The following IFT122 variants were observed in gnomAD, a reference collection of about 807,000 sequenced individuals.
IFT122 encodes intraflagellar transport protein 122 homolog.
In IFT122, 118 loss-of-function variants were observed where a neutral mutation model predicts 161.6. That is an observed-to-expected ratio of 0.73 (90% CI 0.63 to 0.85). The LOEUF (loss-of-function observed/expected upper bound fraction) is 0.85. Ranked by LOEUF, IFT122 falls within the 40% of genes least tolerant of loss-of-function variation. The probability of loss-of-function intolerance (pLI) is 0.00; values close to 1 mark genes in which losing one functional copy is unlikely to be tolerated. For missense variants in IFT122, 1,381 were observed against 1,579.6 expected (o/e 0.87, Z 2.13); for synonymous variants, 550 against 602.4 (o/e 0.91, Z 1.27).
intron 1 of IFT122, among the ~76,000 whole-genome samples, chr3:129,442,661 C>A (rs143670183): frequency 6.6e-6 from 1 of 151,982 alleles, no homozygotes. Flanking sequence ...CATTGTCTCC[C>A]GGTCTGCTCC....
intron 21 of IFT122, among the ~76,000 whole-genome samples, chr3:129,504,966 C>G (rs182163706): frequency 6.6e-6 from 1 of 152,204 alleles, no homozygotes; most frequent in Non-Finnish European, 1.5e-5. Context: ...CGGGTGACTT[C>G]TGCTCCTCAA....
At chr3:129,443,236 A>C (rs979164754) in intron 1 of IFT122, among the ~76,000 whole-genome samples, 1 of 152,256 alleles carries the variant, frequency 6.6e-6, no homozygotes, top group South Asian at 2.1e-4. Context: ...GGGCTGGGTC[A>C]GATGATGCAG....
At chr3:129,457,505 T>C (rs193089802) in intron 3 of IFT122, among the ~76,000 whole-genome samples, 1 of 152,284 alleles carries the variant, frequency 6.6e-6, no homozygotes, top group East Asian at 1.9e-4. Context: ...TCCATGTGGA[T>C]GGGTCTGTCT....
At position 129,520,338 on chromosome 3, in the gene IFT122, T is replaced by C. The variant is rs2084604362; in HGVS notation, c.*73T>C. 3 of 1,167,904 alleles carry C rather than the reference T, an allele frequency of 2.6e-6. No homozygotes were observed. Among genetic ancestry groups the C allele is most frequent in the Non-Finnish European group, 3.7e-6 (3 of 804,738 alleles). The allele number at this position is 1,167,904 out of a possible 1,614,324, so 72.3% of individuals were successfully genotyped here. ...CTGGGCTGTGAAGGAGAATAAAGAG[T>C]TAAACTGTCAGAATGTGTTTCTTGC... On this transcript the variant is annotated 3_prime_UTR_variant, in exon 30 of 30. Transcript: ENST00000348417.
intron 20 of IFT122, chr3:129,504,004 GT>G (rs1394224644): frequency 5.3e-6 from 2 of 380,590 alleles, no homozygotes; most frequent in African/African-American, 4.2e-5. Flanking sequence ...AAAGAAATCT[GT>G]TTGCAGCACT....
At position 129,504,428 on chromosome 3, in the gene IFT122, A is replaced by G; in HGVS notation, c.2650+7A>G. The G allele has an allele frequency of 6.2e-7, 1 of 1,607,702 alleles. No homozygotes were observed. The highest frequency in any genetic ancestry group is 8.5e-7 in the Non-Finnish European group (1 of 1,174,168). Reference sequence around the variant, plus strand: ...TTTGAGGAAGCCCAGAAAGGTAGGCAACACAGACTGTCACCTTCTAGAAGG... The same window carrying G: ...TTTGAGGAAGCCCAGAAAGGTAGGCGACACAGACTGTCACCTTCTAGAAGG... On this transcript the variant is annotated splice_region_variant and intron_variant, in intron 21 of 29. Coordinates refer to ENST00000348417, the MANE Select transcript of IFT122 (RefSeq NM_052989.3).
rs140152791 is a variant in IFT122 at position 129,518,433 on chromosome 3, T to G, written c.3392-674T>G. Among the ~76,000 whole-genome samples the G allele has an allele frequency of 2.8e-4, 43 of 152,282 alleles. No homozygotes were observed. In the East Asian group the frequency reaches 6.6e-3, roughly 23 times the overall value. ...AGGCCTGGGGGCTGTAAGCCTGCCTTCCTTGCAGCTCCCAGGTGCTGCCAC... is the reference window on the plus strand; with the variant it reads ...AGGCCTGGGGGCTGTAAGCCTGCCTGCCTTGCAGCTCCCAGGTGCTGCCAC... On this transcript the variant is annotated intron_variant, in intron 27 of 29. Coordinates refer to ENST00000348417, the MANE Select transcript of IFT122 (RefSeq NM_052989.3).
intron 7 of IFT122, among the ~76,000 whole-genome samples, chr3:129,466,312 G>A (rs2076768753): frequency 1.3e-5 from 2 of 151,908 alleles, no homozygotes; most frequent in Non-Finnish European, 2.9e-5. Context: ...TACCATGCAT[G>A]TCTAATGCTG....
At chr3:129,519,064 T>G in intron 27 of IFT122, 43 bp from the exon 28 acceptor site, 4 of 1,550,214 alleles carry the variant, frequency 2.6e-6, no homozygotes, top group Non-Finnish European at 3.6e-6. Context: ...AGGGTCTGTC[T>G]CCATCTCTGC....
chr3:129,476,946 T>A, intron 11 of IFT122, 145 bp downstream of exon 11: 22 of 178,208 alleles, frequency 1.2e-4, no homozygotes, highest in Non-Finnish European at 2.3e-4. Flanking sequence ...TCTTGTTTTC[T>A]TTTTTTTTTT....
At chr3:129,516,793 G>GCA (rs1308356261) in intron 26 of IFT122, among the ~76,000 whole-genome samples, 1 of 69,926 alleles carries the variant, frequency 1.4e-5, no homozygotes, top group South Asian at 5.2e-4. Context: ...GACCGCTCCT[G>GCA]CACACACACA....
At chr3:129,441,985 C>T (rs566421503) in intron 1 of IFT122, among the ~76,000 whole-genome samples, 56 of 152,304 alleles carry the variant, frequency 3.7e-4, no homozygotes, top group Non-Finnish European at 7.6e-4. Context: ...TGCCAATTAC[C>T]ACCATGCAGG....
At chr3:129,487,407 G>A (rs892045320) in intron 15 of IFT122, 1 of 152,320 alleles carries the variant, frequency 6.6e-6, no homozygotes, top group African/African-American at 2.4e-5. Flanking sequence ...CTGAGTCTCG[G>A]TCTCCTGGGC....
rs754283229 is a variant in IFT122, at chr3:129,512,356, C to G, written c.2931C>G (p.Ile977Met). The change falls in exon 24 of 30, where the codon ATC becomes ATG. Residue 977 changes from isoleucine (I) to methionine (M), a missense_variant. By Grantham distance (10) the Ile-to-Met change is conservative (BLOSUM62 1). Coordinates refer to ENST00000348417, the MANE Select transcript of IFT122 (RefSeq NM_052989.3). ...ATCGTCCTGAAACTCTTTTCAACAT[C>G]TCCAGGTTCCTGCTGCACAGCCTGC... ...SVHRPETLFN[I>M]SRFLLHSLPK... The G allele has an allele frequency of 2.7e-5, 43 of 1,614,034 alleles. No homozygotes were observed. In the South Asian group the frequency reaches 4.6e-4, roughly 17 times the overall value.
At chr3:129,467,879 G>A (rs1296760745) in intron 8 of IFT122, among the ~76,000 whole-genome samples, 9 of 152,324 alleles carry the variant, frequency 5.9e-5, no homozygotes, top group Non-Finnish European at 1.2e-4. Flanking sequence ...GTATGGCTTT[G>A]GGTCCCCATC....
chr3:129,493,037 CA>C (rs1324302731), intron 17 of IFT122, among the ~76,000 whole-genome samples: 1 of 151,946 alleles, frequency 6.6e-6, no homozygotes, highest in African/African-American at 2.4e-5. Context: ...AGGCTGGTTT[CA>C]AATTCGTGGG....
chr3:129,502,615 T>C, intron 19 of IFT122, 96 bp from the exon 20 acceptor site: 2 of 1,380,230 alleles, frequency 1.4e-6, no homozygotes, highest in Admixed American at 1.7e-5. Flanking sequence ...GGCCATGGCA[T>C]AGTATCAACA....
At chr3:129,472,789 A>G (rs993179146) in intron 9 of IFT122, among the ~76,000 whole-genome samples, 4 of 151,940 alleles carry the variant, frequency 2.6e-5, no homozygotes, top group African/African-American at 9.7e-5. Flanking sequence ...TTTCCCTCTG[A>G]TCTTCAGATT....
intron 24 of IFT122, 72 bp from the exon 25 acceptor site, chr3:129,514,317 A>G (rs916339514): frequency 1.2e-5 from 18 of 1,543,894 alleles, no homozygotes; most frequent in Middle Eastern, 1.7e-4. Flanking sequence ...CCTGGGGCTC[A>G]CTCCAAGGAC....
Sources: gnomAD v4.1 joint callset for allele counts (sites outside exome capture counted in the v4.1 genomes callset) on GRCh38, gnomAD v4.1.1 for gene constraint, MANE v1.5 for transcripts, NCBI Gene and HGNC (gene_info 2026-07-23, HGNC 2026-07-21) for gene names.